The following ASPH variants were observed in gnomAD, a reference collection of about 807,000 sequenced individuals.
ASPH encodes aspartyl/asparaginyl beta-hydroxylase.
In ASPH, 100 loss-of-function variants were observed where a neutral mutation model predicts 118.4. The observed-to-expected ratio is 0.84, with a 90% CI of 0.72 to 1.00. The LOEUF (loss-of-function observed/expected upper bound fraction) is 1.00. ASPH is among the 50% of genes least tolerant of loss of function. The pLI, the probability that ASPH is intolerant of heterozygous loss-of-function variation, is 0.00. For synonymous variants in ASPH, 315 were observed against 325.6 expected, an observed-to-expected ratio of 0.97 and a Z score of 0.35; for missense variants, 920 against 919.5, an observed-to-expected ratio of 1.00 and a Z score of -0.01.
chr8:61,591,382 G>A (rs796774555), intron 14 of ASPH, among the ~76,000 whole-genome samples: 5 of 148,902 alleles, frequency 3.4e-5, no homozygotes, highest in East Asian at 2.0e-4. Flanking sequence ...GGAGGGGCCC[G>A]AAGAGGAAGA....
At chr8:61,642,764 G>A in intron 10 of ASPH, 124 bp downstream of exon 10, 2 of 786,802 alleles carry the variant, frequency 2.5e-6, no homozygotes, top group Non-Finnish European at 3.9e-6. Context: ...AGAATCGCTT[G>A]TACCCAGGAG....
At chr8:61,617,571 C>A (rs1462097368) in intron 14 of ASPH, among the ~76,000 whole-genome samples, 1 of 152,096 alleles carries the variant, frequency 6.6e-6, no homozygotes, top group Non-Finnish European at 1.5e-5. Flanking sequence ...CCAACGGTTT[C>A]TGATATTAAG....
chr8:61,620,106 A>G (rs1352336987), intron 13 of ASPH, among the ~76,000 whole-genome samples: 1 of 152,202 alleles, frequency 6.6e-6, no homozygotes, highest in African/African-American at 2.4e-5. Context: ...CAGGGAAGGG[A>G]TTTTTATAAG....
intron 3 of ASPH, chr8:61,663,123 G>A (rs1323471651): frequency 1.0e-6 from 1 of 985,200 alleles, no homozygotes; most frequent in Non-Finnish European, 1.2e-6. Flanking sequence ...CTAACACGGG[G>A]ATATGGTTTG....
At chr8:61,704,397 G>A (rs1836056358) in intron 1 of ASPH, among the ~76,000 whole-genome samples, 1 of 151,632 alleles carries the variant, frequency 6.6e-6, no homozygotes, top group Admixed American at 6.6e-5. Context: ...ATGTGAAAAT[G>A]CTCATAGACA....
At chr8:61,565,158 T>C (rs1318014351) in intron 17 of ASPH, among the ~76,000 whole-genome samples, 4 of 152,254 alleles carry the variant, frequency 2.6e-5, no homozygotes, top group African/African-American at 9.6e-5. Context: ...AATGATAGTC[T>C]TTAGATTGTA....
At chr8:61,707,533 C>T (rs747902402) in intron 1 of ASPH, among the ~76,000 whole-genome samples, 11 of 152,130 alleles carry the variant, frequency 7.2e-5, no homozygotes, top group Non-Finnish European at 1.3e-4. Flanking sequence ...TAAAAAATGG[C>T]AATATCCAGT....
intron 18 of ASPH, among the ~76,000 whole-genome samples, chr8:61,559,278 G>A (rs141288289): frequency 5.0e-4 from 76 of 152,186 alleles, no homozygotes; most frequent in Non-Finnish European, 5.7e-4. Flanking sequence ...CAAAATATGC[G>A]TTAATCGACT....
At chr8:61,609,402 A>T (rs532013281) in intron 14 of ASPH, among the ~76,000 whole-genome samples, 1 of 151,992 alleles carries the variant, frequency 6.6e-6, no homozygotes, top group South Asian at 2.1e-4. Context: ...TGAGATGCCT[A>T]ATCTTCATTC....
chr8:61,694,432 T>A (rs1398191087), intron 1 of ASPH, among the ~76,000 whole-genome samples: 1 of 152,146 alleles, frequency 6.6e-6, no homozygotes, highest in African/African-American at 2.4e-5. Flanking sequence ...CCTGTAGGCT[T>A]CCATCTGGTT....
Position 61,596,650 on chromosome 8 carries a change from G to C in ASPH, c.977-12621C>G, listed in dbSNP as rs573491191. Among the ~76,000 whole-genome samples the C allele has an allele frequency of 9.1e-4, 138 of 152,322 alleles. 1 individual carries two copies. The highest frequency in any genetic ancestry group is 4.1e-3 in the South Asian group (20 of 4,832). On this transcript the variant is annotated intron_variant, in intron 14 of 24. Transcript: ENST00000379454. ...ACCACTGATGCTGAACACAGCCAAG[G>C]AAATCATACTGAGACTACACTACTG...
chr8:61,647,665 T>C (rs1808712370), intron 5 of ASPH, among the ~76,000 whole-genome samples: 1 of 151,972 alleles, frequency 6.6e-6, no homozygotes, highest in African/African-American at 2.4e-5. Flanking sequence ...AGTGAGACTC[T>C]GTCTCAAAAT....
chr8:61,664,308 G>A (rs1818382488), intron 3 of ASPH: 2 of 970,556 alleles, frequency 2.1e-6, no homozygotes, highest in South Asian at 4.8e-5. Context: ...AAAAATGTAT[G>A]CCATTCAACC....
At chr8:61,559,779 CA>C (rs1220555627) in intron 18 of ASPH, among the ~76,000 whole-genome samples, 2 of 152,032 alleles carry the variant, frequency 1.3e-5, no homozygotes, top group Non-Finnish European at 2.9e-5. Context: ...GTACACATAA[CA>C]TATAAGTACA....
intron 12 of ASPH, among the ~76,000 whole-genome samples, chr8:61,634,539 T>A (rs1458071039): frequency 1.3e-5 from 2 of 152,200 alleles, no homozygotes; most frequent in Non-Finnish European, 2.9e-5. Context: ...AAACAGAATA[T>A]TTGGAAATAT....
chr8:61,530,086 C>T (rs1409463154), intron 21 of ASPH, among the ~76,000 whole-genome samples: 1 of 152,196 alleles, frequency 6.6e-6, no homozygotes. Flanking sequence ...ACCCACTTGT[C>T]TTCAATGGCA....
At chr8:61,662,239 A>C (rs1421392053) in intron 3 of ASPH, among the ~76,000 whole-genome samples, 19 of 152,244 alleles carry the variant, frequency 1.2e-4, no homozygotes, top group Non-Finnish European at 2.4e-4. Flanking sequence ...ACAAAGTTTA[A>C]GAAAAATATG....
chr8:61,612,287 T>C (rs746513849), intron 14 of ASPH, among the ~76,000 whole-genome samples: 1 of 151,378 alleles, frequency 6.6e-6, no homozygotes, highest in African/African-American at 2.4e-5. Flanking sequence ...AGATTTGAAA[T>C]GGCAGAAGAA....
At chr8:61,631,596 C>G (rs982039659) in intron 13 of ASPH, 9 of 152,106 alleles carry the variant, frequency 5.9e-5, no homozygotes, top group African/African-American at 2.2e-4. Context: ...ACAAAGTCAC[C>G]TAACGACACA....
Sources: gnomAD v4.1 joint callset for allele counts (sites outside exome capture counted in the v4.1 genomes callset) on GRCh38, gnomAD v4.1.1 for gene constraint, MANE v1.5 for transcripts, NCBI Gene and HGNC (gene_info 2026-07-23, HGNC 2026-07-21) for gene names.